The following CELF4 variants were observed in gnomAD, a reference collection of about 807,000 sequenced individuals.
CELF4 encodes the protein CUG-BP- and ETR-3-like factor 4.
CELF4 carries 18 observed loss-of-function variants against 59.9 expected under a neutral mutation model. The ratio of observed to expected loss-of-function variants is 0.30; its 90% CI spans 0.21 to 0.45. The LOEUF (loss-of-function observed/expected upper bound fraction) is 0.45. Ranked by LOEUF, CELF4 falls within the 20% of genes least tolerant of loss-of-function variation. The probability of loss-of-function intolerance (pLI) is 1.00; values close to 1 mark genes in which losing one functional copy is unlikely to be tolerated. For missense variants in CELF4, 456 were observed against 689.0 expected (o/e 0.66, Z 3.79); for synonymous variants, 261 against 267.1 (o/e 0.98, Z 0.22).
chr18:37,273,375 G>T (rs2092229963), intron 6 of CELF4: 1 of 1,336,022 alleles, frequency 7.5e-7, no homozygotes, highest in East Asian at 2.8e-5. Context: ...GTATTTAAAA[G>T]TAATGCTAGG....
chr18:37,500,656 C>T lies in CELF4; in HGVS notation c.287-15049G>A, dbSNP rs540049651. On this transcript the variant is annotated intron_variant, in intron 1 of 12. Coordinates refer to ENST00000420428, the MANE Select transcript of CELF4 (RefSeq NM_020180.4). ...TCATGCCATTCTCCTGCCTCAGCCT[C>T]CCGAGTAGTTGGGACTACAGGCACC... 3.3e-5 allele frequency among the ~76,000 whole-genome samples: 5 copies of T among 151,946 alleles called. No individual in the cohort carries two copies. The South Asian group carries it at 6.2e-4, about 19-fold the overall frequency.
intron 2 of CELF4, among the ~76,000 whole-genome samples, chr18:37,380,561 T>A (rs1470001411): frequency 3.3e-5 from 5 of 151,994 alleles, no homozygotes; most frequent in Non-Finnish European, 7.4e-5. Context: ...TATCCATTCT[T>A]CCATCCATTT....
At chr18:37,535,893 C>G (rs2099973093) in intron 1 of CELF4, among the ~76,000 whole-genome samples, 1 of 152,162 alleles carries the variant, frequency 6.6e-6, no homozygotes, top group South Asian at 2.1e-4. Flanking sequence ...TTGGGTTCCT[C>G]TAGTCTCGAG....
At chr18:37,421,883 C>T (rs547693370) in intron 2 of CELF4, among the ~76,000 whole-genome samples, 3 of 152,358 alleles carry the variant, frequency 2.0e-5, no homozygotes, top group Non-Finnish European at 2.9e-5. Flanking sequence ...ATTCTCTCCT[C>T]GGAAGGCAAT....
chr18:37,390,582 G>A (rs2099148395), intron 2 of CELF4, among the ~76,000 whole-genome samples: 1 of 152,080 alleles, frequency 6.6e-6, no homozygotes, highest in East Asian at 1.9e-4. Context: ...GGGTGGAGGG[G>A]GCTTGGCAAC....
intron 1 of CELF4, among the ~76,000 whole-genome samples, chr18:37,508,613 G>C (rs2099940843): frequency 6.6e-6 from 1 of 152,262 alleles, no homozygotes; most frequent in African/African-American, 2.4e-5. Context: ...AAATGCCACA[G>C]GTGCAGCTGC....
At chr18:37,354,474 C>G (rs2098527289) in intron 2 of CELF4, among the ~76,000 whole-genome samples, 1 of 152,100 alleles carries the variant, frequency 6.6e-6, no homozygotes, top group Non-Finnish European at 1.5e-5. Flanking sequence ...AGTACAAGGC[C>G]AAGGAATTTC....
At chr18:37,476,889 C>T (rs1204441639) in intron 2 of CELF4, among the ~76,000 whole-genome samples, 9 of 152,232 alleles carry the variant, frequency 5.9e-5, no homozygotes, top group East Asian at 1.9e-4. Flanking sequence ...ACACCTGCAC[C>T]GGCGGCGAAT....
intron 2 of CELF4, among the ~76,000 whole-genome samples, chr18:37,373,506 A>G (rs1056638120): frequency 2.6e-5 from 4 of 152,220 alleles, no homozygotes; most frequent in African/African-American, 9.6e-5. Context: ...GCTAATGGCA[A>G]TGGTGATGGT....
intron 2 of CELF4, among the ~76,000 whole-genome samples, chr18:37,479,100 C>T (rs993616579): frequency 4.6e-5 from 7 of 152,206 alleles, no homozygotes; most frequent in South Asian, 2.1e-4. Context: ...GCCCTGCAGA[C>T]GTGGGTGCAT....
intron 3 of CELF4, among the ~76,000 whole-genome samples, chr18:37,283,946 G>A (rs890290667): frequency 0.028 from 32 of 1,148 alleles, no homozygotes; most frequent in Middle Eastern, 0.5. Context: ...CATGCACCAC[G>A]CATATACCCC....
At chr18:37,483,811 C>T (rs916879847) in intron 2 of CELF4, among the ~76,000 whole-genome samples, 2 of 152,222 alleles carry the variant, frequency 1.3e-5, no homozygotes, top group Admixed American at 6.5e-5. Context: ...ATCACAGCTG[C>T]TCAACCAAAT....
At chr18:37,415,357 T>G (rs1202859129) in intron 2 of CELF4, among the ~76,000 whole-genome samples, 1 of 152,198 alleles carries the variant, frequency 6.6e-6, no homozygotes, top group African/African-American at 2.4e-5. Flanking sequence ...ACACTTTCTT[T>G]CCCATCACCT....
intron 1 of CELF4, among the ~76,000 whole-genome samples, chr18:37,519,508 GT>G (rs2099954689): frequency 1.3e-5 from 2 of 152,202 alleles, no homozygotes; most frequent in Admixed American, 1.3e-4. Context: ...TTTTGCCGTT[GT>G]TTGGAAGCAC....
At chr18:37,268,161 T>C (rs192805516) in intron 8 of CELF4, among the ~76,000 whole-genome samples, 1 of 151,300 alleles carries the variant, frequency 6.6e-6, no homozygotes, top group East Asian at 2.0e-4. Context: ...GGCAGGGGAG[T>C]CAGACCCACG....
At chr18:37,433,668 G>A (rs2099678445) in intron 2 of CELF4, among the ~76,000 whole-genome samples, 3 of 152,212 alleles carry the variant, frequency 2.0e-5, no homozygotes, top group Admixed American at 2.0e-4. Flanking sequence ...GGGTCACCTG[G>A]CAAGTGAGGA....
intron 3 of CELF4, among the ~76,000 whole-genome samples, chr18:37,286,453 C>T (rs113987132): frequency 1.3e-5 from 2 of 152,142 alleles, no homozygotes; most frequent in African/African-American, 2.4e-5. Context: ...TTTCCACAGT[C>T]GCACAGAGAG....
chr18:37,507,735 C>T (rs11082009), intron 1 of CELF4, among the ~76,000 whole-genome samples: 24,629 of 152,154 alleles, frequency 0.16, 2,050 homozygotes, highest in South Asian at 0.24. Flanking sequence ...GGAATCACAG[C>T]GGCTCCCACT....
intron 10 of CELF4, among the ~76,000 whole-genome samples, chr18:37,259,980 C>T (rs900716532): frequency 1.3e-5 from 2 of 152,218 alleles, no homozygotes; most frequent in Non-Finnish European, 2.9e-5. Flanking sequence ...AACAGCCCTG[C>T]GACTTCAGCA....
Sources: gnomAD v4.1 joint callset for allele counts (sites outside exome capture counted in the v4.1 genomes callset) on GRCh38, gnomAD v4.1.1 for gene constraint, MANE v1.5 for transcripts, NCBI Gene and HGNC (gene_info 2026-07-23, HGNC 2026-07-21) for gene names.